Variants in NLGN4Y observed in about 807,000 individuals in gnomAD.
NLGN4Y encodes the protein neuroligin 4 Y-linked.
NLGN4Y carries 4 observed loss-of-function variants against 8.4 expected under a neutral mutation model. That is an observed-to-expected ratio of 0.48 (90% CI 0.23 to 1.09). The LOEUF is 1.09. Ranked by LOEUF, NLGN4Y falls within the 50% of genes least tolerant of loss-of-function variation. The pLI, the probability that NLGN4Y is intolerant of heterozygous loss-of-function variation, is 0.19. For missense variants in NLGN4Y, 90 were observed against 192.3 expected, an observed-to-expected ratio of 0.47 and a Z score of 3.15; for synonymous variants, 35 against 75.6, an observed-to-expected ratio of 0.46 and a Z score of 2.78.
intron 4 of NLGN4Y, among the ~76,000 whole-genome samples, chrY:14,742,513 T>TA (rs2081009501): frequency 6.1e-5 from 2 of 32,784 alleles, no homozygotes; most frequent in African/African-American, 2.4e-4. Context: ...CACATACATA[T>TA]ATACACACAC....
intron 2 of NLGN4Y, among the ~76,000 whole-genome samples, chrY:14,635,070 A>G: frequency 3.0e-5 from 1 of 33,207 alleles, no homozygotes; most frequent in Non-Finnish European, 7.4e-5. Context: ...TTTTAGCTAC[A>G]TTCTACTCCA....
intron 2 of NLGN4Y, among the ~76,000 whole-genome samples, chrY:14,663,718 G>A: frequency 3.1e-5 from 1 of 31,939 alleles, no homozygotes; most frequent in Admixed American, 2.9e-4. Context: ...GCTGAAGCAG[G>A]AGAATCACTT....
At chrY:14,526,428 A>C in intron 1 of NLGN4Y, among the ~76,000 whole-genome samples, 1 of 32,189 alleles carries the variant, frequency 3.1e-5, no homozygotes, top group Non-Finnish European at 7.6e-5. Context: ...ATATTTCTGT[A>C]TGTGTGTCTG....
At chrY:14,579,286 A>G (rs773821983) in intron 1 of NLGN4Y, among the ~76,000 whole-genome samples, 2 of 34,356 alleles carry the variant, frequency 5.8e-5, no homozygotes, top group Admixed American at 5.3e-4. Flanking sequence ...CAAGCATGAA[A>G]TGAAAACCTG....
At chrY:14,663,591 AGGC>A (rs2080682261) in intron 2 of NLGN4Y, among the ~76,000 whole-genome samples, 2 of 32,964 alleles carry the variant, frequency 6.1e-5, no homozygotes, top group Admixed American at 2.8e-4. Context: ...AGTACATCTG[AGGC>A]AGGTCAGGAG....
At chrY:14,662,016 A>G in intron 2 of NLGN4Y, among the ~76,000 whole-genome samples, 1 of 34,239 alleles carries the variant, frequency 2.9e-5, no homozygotes. Flanking sequence ...CCATGTTTAT[A>G]TTGTAAAGAA....
chrY:14,640,294 C>T, intron 2 of NLGN4Y: 1 of 129,027 alleles, frequency 7.8e-6, no homozygotes. Context: ...AAACTGCTCC[C>T]CAGGAAGCTG....
chrY:14,680,197 A>G (rs2080763488), intron 2 of NLGN4Y, among the ~76,000 whole-genome samples: 1 of 32,851 alleles, frequency 3.0e-5, no homozygotes, highest in Non-Finnish European at 7.5e-5. Context: ...TGTGGTTTCT[A>G]GATCATAAGC....
intron 4 of NLGN4Y, among the ~76,000 whole-genome samples, chrY:14,761,754 G>T (rs2081080091): frequency 2.9e-5 from 1 of 34,059 alleles, no homozygotes; most frequent in Non-Finnish European, 7.3e-5. Context: ...GCTTTGTTAG[G>T]CTTGTCCTGC....
chrY:14,526,369 T>C, intron 1 of NLGN4Y, among the ~76,000 whole-genome samples: 2 of 33,385 alleles, frequency 6.0e-5, no homozygotes, highest in African/African-American at 2.3e-4. Flanking sequence ...AGAAATCCGG[T>C]ATTTTATTAC....
At position 14,723,275 on chromosome Y, in the gene NLGN4Y, T is replaced by C; in HGVS notation, c.685+6T>C. ...CTACCGTCTGGGAATACTAGGTAAG[T>C]GATTTCATCATGTGAATGACTAAGC... On this transcript the variant is annotated splice_donor_region_variant and intron_variant, in intron 4 of 6. Coordinates refer to ENST00000684976, the MANE Select transcript of NLGN4Y (RefSeq NM_001365588.1). The C allele has an allele frequency of 2.5e-6, 1 of 395,795 alleles. No individual in the cohort carries two copies. The highest frequency in any genetic ancestry group is 3.6e-6 in the Non-Finnish European group (1 of 281,017).
At chrY:14,819,372 C>A (rs2043114506) in intron 4 of NLGN4Y, among the ~76,000 whole-genome samples, 1 of 34,066 alleles carries the variant, frequency 2.9e-5, no homozygotes, top group Non-Finnish European at 7.3e-5. Flanking sequence ...AGCATGATAT[C>A]TTTCCAAGTG....
rs1007979955 is a variant in NLGN4Y, at chrY:14,574,002, G to T, written c.-111-48007G>T. Among the ~76,000 whole-genome samples, 4 of 33,583 alleles carry T rather than the reference G, an allele frequency of 1.2e-4. No individual in the cohort carries two copies. The East Asian group carries it at 2.3e-3, about 20-fold the overall frequency. The allele number at this position is 33,583 out of a possible 37,273, so 90.1% of individuals were successfully genotyped here. ...TCTATTCTTTCACATTTTTTGAGGAGTGCTTTACTTCCAACTATGTGGTCA... is the reference window on the plus strand; with the variant it reads ...TCTATTCTTTCACATTTTTTGAGGATTGCTTTACTTCCAACTATGTGGTCA... On this transcript the variant is annotated intron_variant, in intron 1 of 6. Transcript: ENST00000684976.
chrY:14,653,577 TCTTGCTCTGTTGCCCAGG>T (rs2080637866), intron 2 of NLGN4Y, among the ~76,000 whole-genome samples: 1 of 32,395 alleles, frequency 3.1e-5, no homozygotes, highest in Non-Finnish European at 7.5e-5. Context: ...TGAGACAGAG[TCTTGCTCTGTTGCCCAGG>T]CTGGAGTGCA....
intron 1 of NLGN4Y, among the ~76,000 whole-genome samples, chrY:14,559,609 C>T (rs2080220667): frequency 3.1e-5 from 1 of 32,546 alleles, no homozygotes; most frequent in African/African-American, 1.2e-4. Flanking sequence ...CAGTTGTGCC[C>T]GAGTTCCAAA....
At chrY:14,763,463 T>C in intron 4 of NLGN4Y, among the ~76,000 whole-genome samples, 1 of 33,231 alleles carries the variant, frequency 3.0e-5, no homozygotes, top group Non-Finnish European at 7.5e-5. Context: ...CTTGCTTCCC[T>C]TGGAGTCTCA....
chrY:14,725,746 A>C (rs755008630), intron 4 of NLGN4Y, among the ~76,000 whole-genome samples: 99 of 33,901 alleles, frequency 2.9e-3, no homozygotes, highest in Non-Finnish European at 1.9e-3. Context: ...TCTTAAAATC[A>C]ACTGTGTCAT....
At chrY:14,632,244 A>G (rs2080551759) in intron 2 of NLGN4Y, among the ~76,000 whole-genome samples, 1 of 33,406 alleles carries the variant, frequency 3.0e-5, no homozygotes, top group Non-Finnish European at 7.4e-5. Flanking sequence ...CCAACAGCCC[A>G]TTATTTCTGG....
intron 4 of NLGN4Y, among the ~76,000 whole-genome samples, chrY:14,790,571 A>C: frequency 3.0e-5 from 1 of 33,517 alleles, no homozygotes; most frequent in Non-Finnish European, 7.4e-5. Context: ...GTGATTTACA[A>C]ATTTCCTATC....
Sources: allele counts gnomAD v4.1 joint callset (sites outside exome capture counted in the v4.1 genomes callset), GRCh38; gene constraint gnomAD v4.1.1; transcripts MANE v1.5; gene names NCBI Gene and HGNC (gene_info 2026-07-23, HGNC 2026-07-21).